NAV1: variants seen among roughly 807,000 people sequenced by gnomAD.
NAV1 encodes the protein pore membrane and/or filament interacting like protein 3.
In NAV1, 18 loss-of-function variants were observed where a neutral mutation model predicts 175.2. The observed-to-expected ratio is 0.10, with a 90% CI of 0.07 to 0.15. The LOEUF (loss-of-function observed/expected upper bound fraction) is 0.15. NAV1 is among the 10% of genes least tolerant of loss of function. The pLI, the probability that NAV1 is intolerant of heterozygous loss-of-function variation, is 1.00. For missense variants in NAV1, 1,731 were observed against 2,436.6 expected (o/e 0.71, Z 6.10); for synonymous variants, 897 against 978.7 (o/e 0.92, Z 1.56).
intron 3 of NAV1, among the ~76,000 whole-genome samples, chr1:201,770,036 G>A (rs533329495): frequency 6.6e-6 from 1 of 152,232 alleles, no homozygotes; most frequent in Non-Finnish European, 1.5e-5. Context: ...CAGTTAGTTA[G>A]CCCACACCCT....
intron 1 of NAV1, among the ~76,000 whole-genome samples, chr1:201,549,239 A>G (rs1665773050): frequency 7.0e-6 from 1 of 143,618 alleles, no homozygotes. Context: ...ACAAAGTCTC[A>G]CTCTGTCACC....
intron 2 of NAV1, among the ~76,000 whole-genome samples, chr1:201,642,038 T>C (rs746672674): frequency 2.7e-4 from 41 of 149,958 alleles, no homozygotes; most frequent in Non-Finnish European, 4.0e-4. Flanking sequence ...CCTTCCTCCT[T>C]CCTTTCCTTC....
rs766856318 is a variant in NAV1, at chr1:201,810,112, C to A, written c.4561+7C>A. On this transcript the variant is annotated splice_region_variant and intron_variant, in intron 23 of 29. Coordinates refer to ENST00000367296, the Ensembl canonical transcript of NAV1. This position sits in a 1 kb window ranked among gnomAD's most constrained non-coding sequence, Gnocchi z 6.0. ...ATATCAGTCTCCCTCAAAGGTCAGT[C>A]TTTGTCTCTTGGGGTGAGGTGGTGT... 2.5e-6 allele frequency: 4 copies of A among 1,613,238 alleles called. No individual in the cohort carries two copies. Among genetic ancestry groups the A allele is most frequent in the Non-Finnish European group, 1.7e-6 (2 of 1,179,552 alleles).
intron 1 of NAV1, among the ~76,000 whole-genome samples, chr1:201,653,527 G>T (rs1485195750): frequency 6.6e-6 from 1 of 152,138 alleles, no homozygotes; most frequent in Non-Finnish European, 1.5e-5. Context: ...CAAGGGGGTC[G>T]CTCCAGTGAA....
intron 1 of NAV1, among the ~76,000 whole-genome samples, chr1:201,584,774 C>T (rs1000148431): frequency 1.3e-5 from 2 of 152,256 alleles, no homozygotes; most frequent in African/African-American, 4.8e-5. Flanking sequence ...GATTCTGGCT[C>T]TTTCACTCAG....
At chr1:201,735,866 G>C (rs1385259661) in intron 3 of NAV1, among the ~76,000 whole-genome samples, 1 of 152,210 alleles carries the variant, frequency 6.6e-6, no homozygotes, top group Non-Finnish European at 1.5e-5. Flanking sequence ...CTGGGATTAA[G>C]GATGTGGCCA....
rs529225016 is a variant in NAV1, at chr1:201,788,145, G to A, written c.2996-323G>A. On this transcript the variant is annotated intron_variant, in intron 9 of 29. Transcript: ENST00000367296. The surrounding 1 kb of genome is among the most constrained non-coding windows in gnomAD (Gnocchi z 5.7). ...CATCAGCACATCCGAGTGATGTGAA[G>A]GTCTCAGAAAAGCTGCCAGGCCCCC... Among the ~76,000 whole-genome samples, 4 of 152,242 alleles carry A rather than the reference G, an allele frequency of 2.6e-5. No homozygotes were observed. Among genetic ancestry groups the A allele is most frequent in the South Asian group, 2.1e-4 (1 of 4,818 alleles).
In NAV1 at chr1:201,787,531, C is replaced by T. The variant is rs1016279575; in HGVS notation, c.2996-937C>T. 10 of 399,636 alleles carry T rather than the reference C, an allele frequency of 2.5e-5. No homozygotes were observed. The highest frequency in any genetic ancestry group is 8.0e-5 in the Admixed American group (3 of 37,364). The allele number at this position is 399,636 out of a possible 1,614,324, so 24.8% of individuals were successfully genotyped here. On this transcript the variant is annotated intron_variant, in intron 9 of 29. Transcript: ENST00000367296. This position sits in a 1 kb window ranked among gnomAD's most constrained non-coding sequence, Gnocchi z 4.3. The stretch of plus-strand genomic sequence containing the variant: ...GATGGGGCCAGCTTGTTCTCTATCT[C>T]CATTGAAGACCAAATAAGAAGAATT...
At chr1:201,612,601 G>A (rs1228219759) in intron 2 of NAV1, among the ~76,000 whole-genome samples, 1 of 152,228 alleles carries the variant, frequency 6.6e-6, no homozygotes, top group African/African-American at 2.4e-5. Context: ...TCCTCACGTG[G>A]TGGAAGAAAG....
intron 2 of NAV1, among the ~76,000 whole-genome samples, chr1:201,592,193 C>T (rs1052243410): frequency 2.0e-5 from 3 of 152,232 alleles, no homozygotes; most frequent in Admixed American, 2.0e-4. Flanking sequence ...AAAAAGCTGC[C>T]TGTCTCTCCT....
intron 1 of NAV1, among the ~76,000 whole-genome samples, chr1:201,710,540 G>A (rs939478792): frequency 2.0e-5 from 3 of 152,146 alleles, no homozygotes; most frequent in African/African-American, 4.8e-5. Context: ...CTCTGGCCTC[G>A]GTCTCCCACA....
chr1:201,631,070 G>T (rs780848356), intron 2 of NAV1, among the ~76,000 whole-genome samples: 10 of 152,154 alleles, frequency 6.6e-5, no homozygotes, highest in East Asian at 1.9e-4. Context: ...GGGTACCTCT[G>T]GGGGGACAGA....
chr1:201,805,702 C>T (rs1678228601), intron 17 of NAV1, among the ~76,000 whole-genome samples: 1 of 152,000 alleles, frequency 6.6e-6, no homozygotes, highest in Admixed American at 6.6e-5. Flanking sequence ...GTGGGTGGAT[C>T]ACTTGAGCTC....
chr1:201,803,866 C>G, intron 16 of NAV1, 152 bp downstream of exon 20: 1 of 1,041,442 alleles, frequency 9.6e-7, no homozygotes, highest in South Asian at 1.5e-5. Context: ...CATGGTCTCC[C>G]AGATTCTCCC....
chr1:201,770,505 G>T (rs1571474853), intron 3 of NAV1, among the ~76,000 whole-genome samples: 1 of 152,154 alleles, frequency 6.6e-6, no homozygotes, highest in Admixed American at 6.5e-5. Flanking sequence ...TTAACAACAA[G>T]GCTAAGCTGG....
intron 17 of NAV1, among the ~76,000 whole-genome samples, chr1:201,805,296 T>C (rs1678206686): frequency 6.6e-6 from 1 of 152,296 alleles, no homozygotes; most frequent in South Asian, 2.1e-4. Context: ...AGTGCCACAA[T>C]GCTTATTCGG....
At chr1:201,638,002 A>G (rs1409161504) in intron 2 of NAV1, among the ~76,000 whole-genome samples, 3 of 152,180 alleles carry the variant, frequency 2.0e-5, no homozygotes, top group Non-Finnish European at 4.4e-5. Context: ...GAGCACAGGG[A>G]TCTGATTTTA....
intron 1 of NAV1, among the ~76,000 whole-genome samples, chr1:201,660,613 G>A (rs893865336): frequency 2.6e-5 from 4 of 152,240 alleles, no homozygotes; most frequent in Admixed American, 1.3e-4. Flanking sequence ...GAGGACCCGT[G>A]GGGGACCATT....
chr1:201,638,855 T>C (rs972783829), intron 2 of NAV1, among the ~76,000 whole-genome samples: 3 of 152,228 alleles, frequency 2.0e-5, no homozygotes, highest in Admixed American at 6.5e-5. Flanking sequence ...AGATCCCCTG[T>C]CTTTCAGTTC....
Sources: allele counts gnomAD v4.1 joint callset (sites outside exome capture counted in the v4.1 genomes callset), GRCh38; gene constraint gnomAD v4.1.1; non-coding constraint Gnocchi (gnomAD v3.1); transcripts MANE v1.5; gene names NCBI Gene and HGNC (gene_info 2026-07-23, HGNC 2026-07-21).